GALNT13: variants seen among roughly 807,000 people sequenced by gnomAD.
The protein encoded by GALNT13 is polypeptide N-acetylgalactosaminyltransferase 13.
Under a neutral mutation model 64.2 loss-of-function variants are expected in GALNT13, and 28 were observed. The observed-to-expected ratio is 0.44, with a 90% CI of 0.32 to 0.60. GALNT13 has a LOEUF of 0.60. GALNT13 is among the 20% of genes least tolerant of loss of function. The pLI is 0.05. For missense variants in GALNT13, 577 were observed against 669.8 expected (o/e 0.86, Z 1.53); for synonymous variants, 214 against 224.6 (o/e 0.95, Z 0.42).
chr2:153,629,684 A>G, the GALNT13 span, among the ~76,000 whole-genome samples: 1 of 152,010 alleles, frequency 6.6e-6, no homozygotes. Flanking sequence ...GCACAGCAAA[A>G]GAAACTACCA....
the GALNT13 span, among the ~76,000 whole-genome samples, chr2:153,588,412 C>T: frequency 1.3e-5 from 2 of 152,210 alleles, no homozygotes; most frequent in Admixed American, 1.3e-4. Context: ...TTCTGAAATC[C>T]AGCAGAGATT....
intron 2 of GALNT13, among the ~76,000 whole-genome samples, chr2:153,907,294 G>C (rs1243350481): frequency 6.6e-6 from 1 of 151,382 alleles, no homozygotes; most frequent in Non-Finnish European, 1.5e-5. Context: ...GAAGTTTAAT[G>C]CAGTTTAATA....
chr2:153,559,035 A>G, the GALNT13 span, among the ~76,000 whole-genome samples: 1 of 149,940 alleles, frequency 6.7e-6, no homozygotes, highest in Non-Finnish European at 1.5e-5. Flanking sequence ...TGAAAATCCA[A>G]CATGTGTTAC....
chr2:153,720,428 T>C, the GALNT13 span, among the ~76,000 whole-genome samples: 2 of 151,792 alleles, frequency 1.3e-5, no homozygotes, highest in African/African-American at 2.4e-5. Flanking sequence ...AGGAACGCAG[T>C]TCCTCACCAG....
chr2:154,392,056 T>C (rs988972949), intron 9 of GALNT13, among the ~76,000 whole-genome samples: 4 of 152,154 alleles, frequency 2.6e-5, no homozygotes, highest in Non-Finnish European at 4.4e-5. Context: ...AAGCCTTGAA[T>C]TGTTGAATTA....
the GALNT13 span, among the ~76,000 whole-genome samples, chr2:153,242,575 T>C: frequency 6.6e-6 from 1 of 152,292 alleles, no homozygotes; most frequent in South Asian, 2.1e-4. Context: ...TAATAAGAGA[T>C]TTTAGAAGAT....
At chr2:154,057,010 T>A (rs1574422792) in intron 3 of GALNT13, among the ~76,000 whole-genome samples, 1 of 152,086 alleles carries the variant, frequency 6.6e-6, no homozygotes, top group Middle Eastern at 3.4e-3. Flanking sequence ...ATTCTTTTTT[T>A]AAACTTTTTA....
the GALNT13 span, among the ~76,000 whole-genome samples, chr2:153,727,680 G>A: frequency 6.6e-6 from 1 of 151,726 alleles, no homozygotes; most frequent in Non-Finnish European, 1.5e-5. Flanking sequence ...AATCACCTGT[G>A]ATTTCACCTT....
At chr2:153,538,122 T>C in the GALNT13 span, among the ~76,000 whole-genome samples, 3 of 152,064 alleles carry the variant, frequency 2.0e-5, no homozygotes, top group African/African-American at 7.2e-5. Context: ...GAGAGTGATC[T>C]AGACAATGAA....
intron 3 of GALNT13, among the ~76,000 whole-genome samples, chr2:154,041,432 C>T (rs540301958): frequency 3.6e-5 from 5 of 140,052 alleles, no homozygotes; most frequent in East Asian, 2.0e-4. Flanking sequence ...CTAAATTTCA[C>T]GCTTTTATAT....
At chr2:154,143,664 C>T (rs1683395432) in intron 4 of GALNT13, among the ~76,000 whole-genome samples, 1 of 151,384 alleles carries the variant, frequency 6.6e-6, no homozygotes, top group South Asian at 2.1e-4. Flanking sequence ...GGTTTGAGAC[C>T]AACCTGGCCA....
At chr2:153,121,753 G>T in the GALNT13 span, among the ~76,000 whole-genome samples, 1 of 151,934 alleles carries the variant, frequency 6.6e-6, no homozygotes, top group Non-Finnish European at 1.5e-5. Context: ...AGGATGGTCT[G>T]GAACTCCTGA....
chr2:153,138,991 C>A, the GALNT13 span, among the ~76,000 whole-genome samples: 1 of 152,016 alleles, frequency 6.6e-6, no homozygotes, highest in Non-Finnish European at 1.5e-5. Flanking sequence ...CTGCCTGTCC[C>A]CTTTCACTGA....
chr2:154,068,387 A>G (rs1322556013), intron 3 of GALNT13, among the ~76,000 whole-genome samples: 2 of 152,056 alleles, frequency 1.3e-5, no homozygotes, highest in Non-Finnish European at 2.9e-5. Flanking sequence ...AAAGGAAATC[A>G]GTATGTCTAA....
chr2:153,211,142 T>G, the GALNT13 span, among the ~76,000 whole-genome samples: 399 of 152,040 alleles, frequency 2.6e-3, 3 homozygotes, highest in African/African-American at 6.8e-3. Context: ...ACCTTTTTTT[T>G]TTGTTGTTGT....
chr2:153,185,646 G>A, the GALNT13 span, among the ~76,000 whole-genome samples: 1 of 152,008 alleles, frequency 6.6e-6, no homozygotes, highest in Non-Finnish European at 1.5e-5. Context: ...CAAATATTCT[G>A]GTACACGGTC....
At chr2:154,435,130 T>C (rs760549121) in intron 11 of GALNT13, among the ~76,000 whole-genome samples, 7 of 152,214 alleles carry the variant, frequency 4.6e-5, no homozygotes, top group Non-Finnish European at 1.0e-4. Flanking sequence ...GCTAAATCTA[T>C]GGTTCATGTA....
the GALNT13 span, among the ~76,000 whole-genome samples, chr2:153,558,081 G>T: frequency 6.6e-6 from 1 of 152,164 alleles, no homozygotes; most frequent in African/African-American, 2.4e-5. Flanking sequence ...ACTATGTGGT[G>T]AAAGTCTGTC....
chr2:153,284,683 C>T, the GALNT13 span, among the ~76,000 whole-genome samples: 6 of 152,088 alleles, frequency 3.9e-5, no homozygotes, highest in East Asian at 5.8e-4. Flanking sequence ...CTCTCATATC[C>T]GGGGGAATCA....
Sources: allele counts gnomAD v4.1 joint callset (sites outside exome capture counted in the v4.1 genomes callset), GRCh38; gene constraint gnomAD v4.1.1; transcripts MANE v1.5; gene names NCBI Gene and HGNC (gene_info 2026-07-23, HGNC 2026-07-21).